RPS6KA5: variants seen among roughly 807,000 people sequenced by gnomAD.
RPS6KA5 encodes the protein ribosomal protein S6 kinase alpha-5.
In RPS6KA5, 27 loss-of-function variants were observed where a neutral mutation model predicts 85.5. That is an observed-to-expected ratio of 0.32 (90% CI 0.23 to 0.44). The LOEUF (loss-of-function observed/expected upper bound fraction) is 0.44. RPS6KA5 is among the 20% of genes least tolerant of loss of function. RPS6KA5 has a pLI of 1.00. For synonymous variants in RPS6KA5, 334 were observed against 348.2 expected (o/e 0.96, Z 0.46); for missense variants, 811 against 980.9 (o/e 0.83, Z 2.31).
intron 1 of RPS6KA5, among the ~76,000 whole-genome samples, chr14:91,040,338 G>A (rs1195206117): frequency 1.3e-5 from 2 of 152,184 alleles, no homozygotes; most frequent in African/African-American, 4.8e-5. Flanking sequence ...AACCCGAGAG[G>A]TGGAGGTTCC....
At chr14:90,987,700 C>CAACAACAACA (rs1555373106) in intron 2 of RPS6KA5, among the ~76,000 whole-genome samples, 6 of 151,500 alleles carry the variant, frequency 4.0e-5, no homozygotes, top group African/African-American at 1.2e-4. Context: ...CAGCAGCAGC[C>CAACAACAACA]ACAACAACAA....
chr14:90,940,869 T>A (rs1393446894), intron 5 of RPS6KA5, among the ~76,000 whole-genome samples: 1 of 152,132 alleles, frequency 6.6e-6, no homozygotes. Context: ...GGGATCTAGG[T>A]TGCACATTCC....
chr14:90,904,641 T>A (rs2035402131), intron 8 of RPS6KA5, among the ~76,000 whole-genome samples: 1 of 152,134 alleles, frequency 6.6e-6, no homozygotes, highest in Admixed American at 6.5e-5. Flanking sequence ...TAAAGAAACA[T>A]GTTGTTAGCA....
intron 1 of RPS6KA5, among the ~76,000 whole-genome samples, chr14:91,043,988 C>T (rs1379218920): frequency 1.3e-5 from 2 of 151,600 alleles, no homozygotes; most frequent in African/African-American, 2.4e-5. Flanking sequence ...GCACTTTTGG[C>T]GGCCAAGGAG....
chr14:91,023,948 G>A (rs896525841), intron 1 of RPS6KA5, among the ~76,000 whole-genome samples: 2 of 152,090 alleles, frequency 1.3e-5, no homozygotes, highest in Admixed American at 1.3e-4. Flanking sequence ...ATTTCAATGT[G>A]TATACTCAAG....
At chr14:91,036,331 G>A (rs2042409980) in intron 1 of RPS6KA5, among the ~76,000 whole-genome samples, 2 of 152,204 alleles carry the variant, frequency 1.3e-5, no homozygotes, top group Admixed American at 1.3e-4. Context: ...AGTATGTTTT[G>A]ATTCAGTTGA....
intron 3 of RPS6KA5, among the ~76,000 whole-genome samples, chr14:90,973,434 A>G (rs2039414606): frequency 6.6e-6 from 1 of 151,270 alleles, no homozygotes; most frequent in African/African-American, 2.4e-5. Context: ...ACAGAGCGAG[A>G]CTCCATCTCG....
At chr14:90,885,687 A>G (rs1206715400) in intron 14 of RPS6KA5, among the ~76,000 whole-genome samples, 1 of 138,544 alleles carries the variant, frequency 7.2e-6, no homozygotes, top group Non-Finnish European at 1.5e-5. Flanking sequence ...GCTTGCAGTA[A>G]GCGGAGATCA....
At chr14:90,896,707 A>AT (rs1437872139) in intron 12 of RPS6KA5, among the ~76,000 whole-genome samples, 2 of 151,472 alleles carry the variant, frequency 1.3e-5, no homozygotes, top group Non-Finnish European at 2.9e-5. Flanking sequence ...GATCCTCAAC[A>AT]TTTTTTTTCT....
intron 7 of RPS6KA5, among the ~76,000 whole-genome samples, chr14:90,917,281 A>G (rs1387704728): frequency 6.6e-6 from 1 of 152,248 alleles, no homozygotes; most frequent in Non-Finnish European, 1.5e-5. Context: ...CTTTGGCATT[A>G]AATAAATTGA....
chr14:90,918,023 T>C (rs1595211243), intron 7 of RPS6KA5, among the ~76,000 whole-genome samples: 1 of 152,226 alleles, frequency 6.6e-6, no homozygotes, highest in Admixed American at 6.5e-5. Context: ...TATATAGACA[T>C]ATGTTTTCAT....
At chr14:90,928,379 A>C (rs897968380) in intron 5 of RPS6KA5, among the ~76,000 whole-genome samples, 3 of 152,048 alleles carry the variant, frequency 2.0e-5, no homozygotes, top group Non-Finnish European at 4.4e-5. Flanking sequence ...AATATGAAAG[A>C]AGCTTATAGA....
In RPS6KA5 at chr14:90,920,234, C is replaced by T; in HGVS notation, c.778G>A (p.Glu260Lys). The T allele has an allele frequency of 6.2e-7, 1 of 1,611,386 alleles. No individual in the cohort carries two copies. Among genetic ancestry groups the T allele is most frequent in the Non-Finnish European group, 8.5e-7 (1 of 1,178,112 alleles). ...GATATCTCAGCTTGGGAATTTTTTT[C>T]TCCATCAACAGTGAAAGGAGATGCT... Reference protein sequence around the residue: ...TGASPFTVDGEKNSQAEISRR... With the variant: ...TGASPFTVDGKKNSQAEISRR... The change falls in exon 7 of 17, where the codon GAA (glutamate) becomes AAA (lysine). Residue 260 changes from glutamate (E) to lysine (K), a missense_variant. Physicochemically the swap from Glu to Lys is moderately conservative, Grantham distance 56. This residue lies in a region of RPS6KA5 where 650 missense variants were observed against 793.4 expected (regional missense o/e 0.82). Transcript: ENST00000614987.
chr14:90,939,449 T>C, intron 5 of RPS6KA5, among the ~76,000 whole-genome samples: 1 of 152,220 alleles, frequency 6.6e-6, no homozygotes. Context: ...GTGGTACCAA[T>C]TTACTGTATT....
At chr14:90,952,103 G>A (rs1460247972) in intron 3 of RPS6KA5, among the ~76,000 whole-genome samples, 1 of 152,144 alleles carries the variant, frequency 6.6e-6, no homozygotes, top group African/African-American at 2.4e-5. Context: ...AGAACATCAG[G>A]CATTGCCACC....
chr14:90,932,974 T>G (rs912882356), intron 5 of RPS6KA5, among the ~76,000 whole-genome samples: 2 of 152,188 alleles, frequency 1.3e-5, no homozygotes, highest in African/African-American at 4.8e-5. Context: ...TCCTCTGCTA[T>G]GCTCTTCACA....
intron 1 of RPS6KA5, among the ~76,000 whole-genome samples, chr14:91,005,815 A>T (rs750115479): frequency 6.6e-6 from 1 of 152,190 alleles, no homozygotes; most frequent in Non-Finnish European, 1.5e-5. Flanking sequence ...GACTTATAAT[A>T]TTTACACATT....
chr14:90,993,094 T>C (rs1333122292), intron 2 of RPS6KA5, among the ~76,000 whole-genome samples: 1 of 152,210 alleles, frequency 6.6e-6, no homozygotes, highest in Non-Finnish European at 1.5e-5. Context: ...AACTACTTCT[T>C]TTAAAATTCT....
At chr14:90,917,276 G>A (rs534025790) in intron 7 of RPS6KA5, among the ~76,000 whole-genome samples, 1 of 152,154 alleles carries the variant, frequency 6.6e-6, no homozygotes, top group Non-Finnish European at 1.5e-5. Context: ...CTTAACTTTG[G>A]CATTAAATAA....
Sources: allele counts gnomAD v4.1 joint callset (sites outside exome capture counted in the v4.1 genomes callset), GRCh38; gene constraint gnomAD v4.1.1; regional missense constraint gnomAD v4.1.1; transcripts MANE v1.5; gene names NCBI Gene and HGNC (gene_info 2026-07-23, HGNC 2026-07-21).